The following ESCO2 variants were observed in gnomAD, a reference collection of about 807,000 sequenced individuals.
ESCO2 encodes establishment of sister chromatid cohesion N-acetyltransferase 2, also known as N-acetyltransferase ESCO2.
ESCO2 carries 51 observed loss-of-function variants against 61.7 expected under a neutral mutation model. The ratio of observed to expected loss-of-function variants is 0.83; its 90% confidence interval spans 0.66 to 1.04. The LOEUF is 1.04. Ranked by LOEUF, ESCO2 falls within the 50% of genes least tolerant of loss-of-function variation. The pLI, the probability that ESCO2 is intolerant of heterozygous loss-of-function variation, is 0.00. For synonymous variants in ESCO2, 230 were observed against 238.2 expected (o/e 0.97, Z 0.32); for missense variants, 692 against 686.2 (o/e 1.01, Z -0.09).
upstream of ESCO2, chr8:27,772,572 G>C: frequency 6.5e-7 from 1 of 1,546,012 alleles, no homozygotes; most frequent in Non-Finnish European, 8.7e-7. Flanking sequence ...ACTCCACCGC[G>C]GAGCAGCAGC....
At chr8:27,810,568 C>T (rs1805657738), downstream of ESCO2, 9 of 858,842 alleles carry the variant, frequency 1.0e-5, no homozygotes, top group East Asian at 2.0e-4. Flanking sequence ...TTTAATAGCT[C>T]ACCCTTCTCC....
At chr8:27,778,493 T>A (rs1487749216) in intron 3 of ESCO2, 1 of 152,244 alleles carries the variant, frequency 6.6e-6, no homozygotes, top group Non-Finnish European at 1.5e-5. Flanking sequence ...TTTATCAAAA[T>A]GTATTAAACT....
At chr8:27,783,506 T>G (rs1804969263) in intron 4 of ESCO2, among the ~76,000 whole-genome samples, 1 of 152,216 alleles carries the variant, frequency 6.6e-6, no homozygotes, top group Non-Finnish European at 1.5e-5. Context: ...TATATTATGC[T>G]TTCGCTGTTG....
intron 10 of ESCO2, among the ~76,000 whole-genome samples, chr8:27,800,293 A>T (rs1805395852): frequency 6.6e-6 from 1 of 152,252 alleles, no homozygotes; most frequent in African/African-American, 2.4e-5. Context: ...CAATAAAAAG[A>T]CAACCTAATT....
At chr8:27,789,152 G>A (rs1181908991) in intron 7 of ESCO2, among the ~76,000 whole-genome samples, 174 bp downstream of exon 7, 1 of 152,144 alleles carries the variant, frequency 6.6e-6, no homozygotes, top group East Asian at 1.9e-4. Flanking sequence ...GAGCAGAGCT[G>A]AACAGTCCAG....
chr8:27,773,473 G>C (rs538480041), upstream of ESCO2, among the ~76,000 whole-genome samples: 3 of 146,666 alleles, frequency 2.0e-5, no homozygotes, highest in East Asian at 2.2e-4. Flanking sequence ...GGAGGGCGGT[G>C]GGGGGAGGGG....
downstream of ESCO2, chr8:27,812,016 A>C (rs1805695748): frequency 6.6e-6 from 1 of 152,212 alleles, no homozygotes; most frequent in South Asian, 2.1e-4. Context: ...CCTAAACAAC[A>C]TATCAACTGC....
At chr8:27,807,660 T>C (rs1381731520), downstream of ESCO2, among the ~76,000 whole-genome samples, 3 of 152,362 alleles carry the variant, frequency 2.0e-5, no homozygotes, top group East Asian at 5.8e-4. Context: ...TTTTTGAAGA[T>C]TGGCATTGTT....
At chr8:27,816,343 C>CTTATATATA (rs1554559818), downstream of ESCO2, among the ~76,000 whole-genome samples, 4 of 136,384 alleles carry the variant, frequency 2.9e-5, no homozygotes, top group African/African-American at 1.2e-4. Context: ...TCATCGAATA[C>CTTATATATA]TATATATATA....
chr8:27,788,115 T>G, intron 6 of ESCO2, 113 bp downstream of exon 6: 1 of 748,128 alleles, frequency 1.3e-6, no homozygotes, highest in South Asian at 1.5e-5. Context: ...AAGCAATGTT[T>G]TATGTGACAG....
rs1225606686 is a variant in ESCO2 at position 27,802,630 on chromosome 8, AATATATATATATATATATATATATATT to A, written c.1674-658_1674-632del. ...CTCAAAAAAAAAAAAAAAAAAAAAAAATATATATATATATATATATATATATTATATATATATATATATAGTTACTGC... is the reference window on the plus strand; with the variant it reads ...CTCAAAAAAAAAAAAAAAAAAAAAAAATATATATATATATATAGTTACTGC... On this transcript the variant is annotated intron_variant, in intron 10 of 10. Coordinates refer to ENST00000305188, the MANE Select transcript of ESCO2 (RefSeq NM_001017420.3). 2.2e-3 allele frequency among the ~76,000 whole-genome samples: 100 copies of A among 45,822 alleles called. 2 individuals are homozygous for A. Among genetic ancestry groups the A allele is most frequent in the Middle Eastern group, 0.043 (2 of 46 alleles). The allele number at this position is 45,822 out of a possible 152,430, so 30.1% of individuals were successfully genotyped here.
At chr8:27,790,302 C>T (rs956424421) in intron 7 of ESCO2, among the ~76,000 whole-genome samples, 2 of 152,110 alleles carry the variant, frequency 1.3e-5, no homozygotes, top group Non-Finnish European at 2.9e-5. Flanking sequence ...ATACATTCTC[C>T]CTGTCCCTTT....
intron 3 of ESCO2, chr8:27,777,390 C>T (rs372742812): frequency 7.8e-4 from 270 of 345,286 alleles, no homozygotes; most frequent in African/African-American, 4.7e-3. Flanking sequence ...CAGCCTCAAC[C>T]TCCTAGGCTC....
downstream of ESCO2, among the ~76,000 whole-genome samples, chr8:27,806,009 C>T (rs1000522258): frequency 6.6e-6 from 1 of 152,138 alleles, no homozygotes; most frequent in African/African-American, 2.4e-5. Flanking sequence ...AGGGATAGGG[C>T]AATGAATGTA....
chr8:27,798,799 T>A (rs1340333499), intron 9 of ESCO2, among the ~76,000 whole-genome samples: 1 of 152,190 alleles, frequency 6.6e-6, no homozygotes, highest in Non-Finnish European at 1.5e-5. Flanking sequence ...ATGATTTCAT[T>A]TATATAATAT....
Position 27,804,051 on chromosome 8 carries a change from A to C in ESCO2, c.*613A>C, listed in dbSNP as rs1023905804. On this transcript the variant is annotated 3_prime_UTR_variant, in exon 11 of 11. Transcript: ENST00000305188. ...CCTAATTCCTGACTTCTCTATACAGAGTCTTCACTTGATAGGCACTCGTCT... is the reference window on the plus strand; with the variant it reads ...CCTAATTCCTGACTTCTCTATACAGCGTCTTCACTTGATAGGCACTCGTCT... The C allele has an allele frequency of 2.9e-5, 29 of 985,514 alleles. No individual in the cohort carries two copies. The highest frequency in any genetic ancestry group is 2.6e-4 in the African/African-American group (15 of 57,210). 61.0% of individuals were successfully genotyped at this position (985,514 alleles called of 1,614,324 possible).
intron 9 of ESCO2, among the ~76,000 whole-genome samples, chr8:27,797,731 G>T (rs1805332115): frequency 6.6e-6 from 1 of 152,012 alleles, no homozygotes; most frequent in South Asian, 2.1e-4. Context: ...TTCGCTTTAT[G>T]GTCATGAGGC....
chr8:27,798,321 G>T (rs548836298), intron 9 of ESCO2, among the ~76,000 whole-genome samples: 63 of 152,238 alleles, frequency 4.1e-4, no homozygotes, highest in Non-Finnish European at 8.1e-4. Flanking sequence ...TTAGCTGGGC[G>T]TGGTGGTGCA....
downstream of ESCO2, among the ~76,000 whole-genome samples, chr8:27,816,343 C>CATATATATATATATATA (rs1554559819): frequency 1.5e-5 from 2 of 136,368 alleles, no homozygotes; most frequent in African/African-American, 5.8e-5. Flanking sequence ...TCATCGAATA[C>CATATATATATATATATA]TATATATATA....
Sources: gnomAD v4.1 joint callset for allele counts (sites outside exome capture counted in the v4.1 genomes callset) on GRCh38, gnomAD v4.1.1 for gene constraint, MANE v1.5 for transcripts, NCBI Gene and HGNC (gene_info 2026-07-23, HGNC 2026-07-21) for gene names.